The following HPD variants were observed in gnomAD, a reference collection of about 807,000 sequenced individuals.
HPD encodes 4-hydroxyphenylpyruvate dioxygenase.
A neutral mutation model predicts 56.9 loss-of-function variants in HPD; 35 were observed. The observed-to-expected ratio is 0.62, with a 90% confidence interval of 0.47 to 0.82. The LOEUF is 0.82. Among genes scored for constraint, HPD ranks in the 40% least tolerant of loss-of-function variants. HPD has a pLI of 0.00. For missense variants in HPD, 442 were observed against 506.8 expected, an observed-to-expected ratio of 0.87 and a Z score of 1.23; for synonymous variants, 186 against 200.2, an observed-to-expected ratio of 0.93 and a Z score of 0.60.
At chr12:121,857,688 G>T in intron 3 of HPD, 69 bp downstream of exon 3, 1 of 1,341,748 alleles carries the variant, frequency 7.5e-7, no homozygotes, top group African/African-American at 1.4e-5. Flanking sequence ...CCCTGCTGGA[G>T]GCCTGCCCTT....
chr12:121,851,713 T>A (rs1328714924), intron 7 of HPD, among the ~76,000 whole-genome samples: 299 of 3,446 alleles, frequency 0.087, 34 homozygotes, highest in Middle Eastern at 1. Flanking sequence ...TTTTTTTTTT[T>A]TTTTTTTTTT....
At chr12:121,882,817 C>T in the HPD span, among the ~76,000 whole-genome samples, 1 of 152,158 alleles carries the variant, frequency 6.6e-6, no homozygotes, top group Admixed American at 6.6e-5. Context: ...TCTCAGCTCA[C>T]TGCAACCTCT....
chr12:121,847,754 C>T (rs535862701), intron 9 of HPD, among the ~76,000 whole-genome samples: 84 of 152,176 alleles, frequency 5.5e-4, no homozygotes, highest in African/African-American at 1.9e-3. Flanking sequence ...TCAGGCTGGT[C>T]TCGAACTCCT....
At chr12:121,845,558 G>A (rs1187569749) in intron 11 of HPD, among the ~76,000 whole-genome samples, 5 of 144,038 alleles carry the variant, frequency 3.5e-5, no homozygotes, top group South Asian at 2.2e-4. Context: ...CCGAGATCGC[G>A]CCACTGCACT....
intron 7 of HPD, among the ~76,000 whole-genome samples, chr12:121,851,392 G>A (rs1877766416): frequency 1.3e-5 from 2 of 150,946 alleles, no homozygotes; most frequent in Admixed American, 1.3e-4. Context: ...TGTCGCCCAG[G>A]CTGGAGTACA....
In HPD at chr12:121,839,646, A is replaced by T. The variant is rs879205776; in HGVS notation, c.*82T>A. On this transcript the variant is annotated 3_prime_UTR_variant, in exon 14 of 14. Coordinates refer to ENST00000289004, the MANE Select transcript of HPD (RefSeq NM_002150.3). Reference sequence around the variant, plus strand: ...CCGCTGGTGGGCGGGACCCAAGGGGAGCAGCCAGTAGGGAAGTTGGGCGAG... The same window carrying T: ...CCGCTGGTGGGCGGGACCCAAGGGGTGCAGCCAGTAGGGAAGTTGGGCGAG... The T allele has an allele frequency of 5.9e-6, 6 of 1,021,296 alleles. No homozygotes were observed. In the South Asian group the frequency reaches 7.7e-5, roughly 13 times the overall value. 63.3% of individuals were successfully genotyped at this position (1,021,296 alleles called of 1,614,324 possible).
At chr12:121,849,627 G>T in intron 8 of HPD, 60 bp downstream of exon 8, 1 of 1,078,104 alleles carries the variant, frequency 9.3e-7, no homozygotes, top group Non-Finnish European at 1.4e-6. Flanking sequence ...GGAGGAAGGG[G>T]CATTACTTTT....
chr12:121,887,341 T>G, the HPD span, among the ~76,000 whole-genome samples: 294 of 151,988 alleles, frequency 1.9e-3, 4 homozygotes, highest in Admixed American at 0.018. Flanking sequence ...TATGAGCCAC[T>G]GCACCTGTAT....
the HPD span, among the ~76,000 whole-genome samples, chr12:121,886,047 G>A: frequency 1.3e-5 from 2 of 151,522 alleles, no homozygotes; most frequent in East Asian, 2.0e-4. Flanking sequence ...CAGCCGCCTC[G>A]GTCTCCCAAA....
chr12:121,862,926 C>T (rs190982987), upstream of HPD, among the ~76,000 whole-genome samples: 1 of 151,042 alleles, frequency 6.6e-6, no homozygotes, highest in Admixed American at 6.6e-5. Context: ...GTGATTCGCT[C>T]GCCTTGGCCT....
At chr12:121,840,774 T>A (rs1193827399) in intron 12 of HPD, among the ~76,000 whole-genome samples, 4 of 138,960 alleles carry the variant, frequency 2.9e-5, no homozygotes, top group Admixed American at 2.2e-4. Context: ...AAATACGGAT[T>A]AAAAAAAAAA....
the HPD span, among the ~76,000 whole-genome samples, chr12:121,872,576 C>T: frequency 1.9e-4 from 29 of 152,048 alleles, no homozygotes; most frequent in East Asian, 5.5e-3. Context: ...CTCATAACAG[C>T]GTCTCCCTTC....
chr12:121,866,331 T>C (rs1471039907), upstream of HPD, among the ~76,000 whole-genome samples: 1 of 151,198 alleles, frequency 6.6e-6, no homozygotes, highest in Non-Finnish European at 1.5e-5. Flanking sequence ...AAATAAACTT[T>C]CTAGATGTTC....
the HPD span, among the ~76,000 whole-genome samples, chr12:121,884,309 T>G: frequency 6.6e-6 from 1 of 151,926 alleles, no homozygotes; most frequent in African/African-American, 2.4e-5. Context: ...ATTACAGGTG[T>G]GTGCCGCTGT....
At chr12:121,856,979 T>C (rs1004329496) in intron 4 of HPD, 3 of 496,822 alleles carry the variant, frequency 6.0e-6, no homozygotes, top group Non-Finnish European at 1.1e-5. Flanking sequence ...GAAACGAAAC[T>C]AGGAAGGGCC....
intron 7 of HPD, among the ~76,000 whole-genome samples, chr12:121,850,699 T>C (rs1877741089): frequency 7.0e-6 from 1 of 143,030 alleles, no homozygotes; most frequent in Admixed American, 7.0e-5. Context: ...AGCCTTTTTT[T>C]TTTTTTTTTT....
chr12:121,864,680 C>T (rs11614623), upstream of HPD, among the ~76,000 whole-genome samples: 18,316 of 151,658 alleles, frequency 0.12, 1,371 homozygotes, highest in Admixed American at 0.2. Flanking sequence ...GGTGAAACCC[C>T]GTCTCTACTA....
At position 121,841,694 on chromosome 12, in the gene HPD, T is replaced by A. The variant is rs143651267; in HGVS notation, c.955-1646A>T. 4.1e-3 allele frequency among the ~76,000 whole-genome samples: 619 copies of A among 152,068 alleles called. 3 individuals are homozygous for A. The highest frequency in any genetic ancestry group is 0.012 in the African/African-American group (510 of 41,506). ...GGCCTATTTTGTGATTCCTTTTTTT[T>A]TTTTTCCGAGATGGAGTTTCACTCT... On this transcript the variant is annotated intron_variant, in intron 12 of 13. Coordinates refer to ENST00000289004, the MANE Select transcript of HPD (RefSeq NM_002150.3).
chr12:121,847,238 A>C lies in HPD; in HGVS notation c.597-24T>G, dbSNP rs752358468. 1.1e-5 allele frequency: 17 copies of C among 1,613,330 alleles called. No homozygotes were observed. The South Asian group carries it at 1.8e-4, about 17-fold the overall frequency. ...ACCTGTAGGGTGGGCGGTGGAACAC[A>C]TATGCTCTGAGCGCCTCCAGGGACG... is the stretch of plus-strand genomic sequence containing the variant. On this transcript the variant is annotated intron_variant, in intron 9 of 13. Coordinates refer to ENST00000289004, the MANE Select transcript of HPD (RefSeq NM_002150.3).
Sources: allele counts gnomAD v4.1 joint callset (sites outside exome capture counted in the v4.1 genomes callset), GRCh38; gene constraint gnomAD v4.1.1; transcripts MANE v1.5; gene names NCBI Gene and HGNC (gene_info 2026-07-23, HGNC 2026-07-21).